Variants in PRSS23 observed in about 807,000 individuals in gnomAD.
PRSS23 encodes serine protease 23, also known as protease, serine 23.
Under a neutral mutation model 34.7 loss-of-function variants are expected in PRSS23, and 25 were observed. The ratio of observed to expected loss-of-function variants is 0.72; its 90% CI spans 0.53 to 1.01. The LOEUF (loss-of-function observed/expected upper bound fraction) is 1.01. PRSS23 is among the 50% of genes least tolerant of loss of function. The pLI, the probability that PRSS23 is intolerant of heterozygous loss-of-function variation, is 0.00. For missense variants in PRSS23, 445 were observed against 475.6 expected (o/e 0.94, Z 0.60); for synonymous variants, 176 against 186.6 (o/e 0.94, Z 0.46).
intron 2 of PRSS23, among the ~76,000 whole-genome samples, chr11:86,870,220 C>A (rs1175159575): frequency 1.3e-5 from 2 of 150,938 alleles, no homozygotes; most frequent in East Asian, 3.9e-4. Context: ...TGTGCCTTGG[C>A]GCTACAGAGA....
intron 2 of PRSS23, chr11:86,947,328 G>C (rs561552180): frequency 3.2e-5 from 5 of 154,066 alleles, no homozygotes; most frequent in South Asian, 2.0e-4. Flanking sequence ...ATACTGCACC[G>C]ACCTGGTGAA....
intron 2 of PRSS23, among the ~76,000 whole-genome samples, chr11:86,825,043 A>G (rs1207351214): frequency 6.6e-6 from 1 of 152,136 alleles, no homozygotes; most frequent in African/African-American, 2.4e-5. Context: ...TAGATCCCTG[A>G]GGAATCGCCA....
chr11:86,869,265 A>T (rs753279866), intron 2 of PRSS23, among the ~76,000 whole-genome samples: 1 of 152,204 alleles, frequency 6.6e-6, no homozygotes, highest in Non-Finnish European at 1.5e-5. Flanking sequence ...AGATAATAAC[A>T]TGAGGGAGAC....
intron 2 of PRSS23, among the ~76,000 whole-genome samples, chr11:86,865,192 C>T (rs954520132): frequency 2.0e-5 from 3 of 152,176 alleles, no homozygotes; most frequent in Non-Finnish European, 4.4e-5. Context: ...GGAAGCATCA[C>T]GGTACAGTGG....
chr11:86,861,459 T>C (rs1024791361), intron 2 of PRSS23, among the ~76,000 whole-genome samples: 3 of 151,722 alleles, frequency 2.0e-5, no homozygotes, highest in African/African-American at 4.8e-5. Context: ...GTTTGTATTA[T>C]CGGTGGGGAA....
chr11:86,950,071 T>A (rs1261327930), intron 2 of PRSS23: 1 of 152,396 alleles, frequency 6.6e-6, no homozygotes, highest in Non-Finnish European at 1.5e-5. Flanking sequence ...GTCAGTTGAG[T>A]ATACTATGTC....
chr11:86,901,769 C>A (rs1948913400), intron 2 of PRSS23, among the ~76,000 whole-genome samples: 1 of 152,176 alleles, frequency 6.6e-6, no homozygotes, highest in Non-Finnish European at 1.5e-5. Context: ...ACCTTGCTCA[C>A]ATAGTATAGT....
intron 2 of PRSS23, among the ~76,000 whole-genome samples, chr11:86,867,806 G>A (rs553824234): frequency 1.9e-4 from 29 of 150,136 alleles, no homozygotes; most frequent in African/African-American, 6.2e-4. Context: ...GAGCCCAGGA[G>A]GCTAAGGCTG....
chr11:86,868,875 G>C (rs1038301150), intron 2 of PRSS23, among the ~76,000 whole-genome samples: 1 of 152,146 alleles, frequency 6.6e-6, no homozygotes, highest in Non-Finnish European at 1.5e-5. Context: ...GCAGTAGTGC[G>C]ATCACGGCTC....
intron 2 of PRSS23, among the ~76,000 whole-genome samples, chr11:86,907,476 TG>T (rs67082531): frequency 0.32 from 48,581 of 151,364 alleles, 8,731 homozygotes; most frequent in Non-Finnish European, 0.41. Context: ...CAATTTTTTG[TG>T]TTTTTTTGAG....
chr11:86,891,220 G>T (rs1284923963), intron 2 of PRSS23, among the ~76,000 whole-genome samples: 7 of 152,164 alleles, frequency 4.6e-5, no homozygotes, highest in Admixed American at 4.6e-4. Flanking sequence ...AATAATTCAG[G>T]TAATGGCAGT....
intron 2 of PRSS23, among the ~76,000 whole-genome samples, chr11:86,832,230 G>A (rs2555542): frequency 0.19 from 28,663 of 152,032 alleles, 3,036 homozygotes; most frequent in East Asian, 0.46. Flanking sequence ...TGTACCACAT[G>A]TGTGAACACC....
At chr11:86,843,147 T>A (rs537211024) in intron 2 of PRSS23, among the ~76,000 whole-genome samples, 11 of 152,070 alleles carry the variant, frequency 7.2e-5, no homozygotes, top group Admixed American at 2.6e-4. Context: ...CTTTGACAAA[T>A]CTGACAAAAA....
At chr11:86,906,354 A>T (rs1279052299) in intron 2 of PRSS23, among the ~76,000 whole-genome samples, 1 of 143,126 alleles carries the variant, frequency 7.0e-6, no homozygotes, top group African/African-American at 2.5e-5. Context: ...CACCAGCGCC[A>T]CCCTCAGCTC....
chr11:86,950,743 A>G, intron 2 of PRSS23: 1 of 270,046 alleles, frequency 3.7e-6, no homozygotes, highest in Non-Finnish European at 7.2e-6. Flanking sequence ...TAAAATGGTA[A>G]AGGGTTAAAA....
intron 1 of PRSS23, among the ~76,000 whole-genome samples, chr11:86,792,017 G>C (rs1947954936): frequency 6.6e-6 from 1 of 152,190 alleles, no homozygotes; most frequent in Non-Finnish European, 1.5e-5. Flanking sequence ...TTACAGCCCT[G>C]TGAGGAGGGT....
At chr11:86,900,459 G>A (rs1948903517) in intron 2 of PRSS23, among the ~76,000 whole-genome samples, 1 of 152,176 alleles carries the variant, frequency 6.6e-6, no homozygotes, top group Non-Finnish European at 1.5e-5. Flanking sequence ...ATTTTGTAAT[G>A]TAAGCAGATC....
intron 1 of PRSS23, among the ~76,000 whole-genome samples, chr11:86,803,981 A>G (rs1948070642): frequency 6.6e-6 from 1 of 152,170 alleles, no homozygotes; most frequent in African/African-American, 2.4e-5. Flanking sequence ...CCTGAGAAGT[A>G]AATGATAGTA....
At chr11:86,834,356 G>T (rs1948385580) in intron 2 of PRSS23, among the ~76,000 whole-genome samples, 1 of 152,096 alleles carries the variant, frequency 6.6e-6, no homozygotes, top group Non-Finnish European at 1.5e-5. Context: ...TCCTCCTGAG[G>T]TTCCCCATTC....
Sources: allele counts gnomAD v4.1 joint callset (sites outside exome capture counted in the v4.1 genomes callset), GRCh38; gene constraint gnomAD v4.1.1; transcripts MANE v1.5; gene names NCBI Gene and HGNC (gene_info 2026-07-23, HGNC 2026-07-21).